Variants in NR3C2 observed in about 807,000 individuals in gnomAD.
NR3C2 encodes the protein nuclear receptor subfamily 3 group C member 2, also known as mineralocorticoid receptor.
In NR3C2, 15 loss-of-function variants were observed where a neutral mutation model predicts 86.4. That is an observed-to-expected ratio of 0.17 (90% CI 0.12 to 0.27). NR3C2 has a LOEUF of 0.27. Ranked by LOEUF, NR3C2 falls within the 10% of genes least tolerant of loss-of-function variation. The pLI is 1.00. For missense variants in NR3C2, 960 were observed against 1,195.6 expected (o/e 0.80, Z 2.91); for synonymous variants, 458 against 450.5 (o/e 1.02, Z -0.21).
chr4:148,361,103 A>T (rs901262320), intron 2 of NR3C2, among the ~76,000 whole-genome samples: 1 of 152,174 alleles, frequency 6.6e-6, no homozygotes, highest in Admixed American at 6.5e-5. Flanking sequence ...CTGATAATGA[A>T]TCTCTGCTAA....
At chr4:148,373,773 C>T (rs549864870) in intron 2 of NR3C2, among the ~76,000 whole-genome samples, 2 of 152,162 alleles carry the variant, frequency 1.3e-5, no homozygotes, top group South Asian at 2.1e-4. Context: ...CCACCGCGCC[C>T]GGCCAGGATG....
chr4:148,139,380 G>A (rs995624717), intron 6 of NR3C2, among the ~76,000 whole-genome samples: 1 of 152,184 alleles, frequency 6.6e-6, no homozygotes, highest in Non-Finnish European at 1.5e-5. Flanking sequence ...GAGTATTGGA[G>A]ATAGTATTTA....
chr4:148,089,612 G>T (rs570578917), intron 8 of NR3C2, among the ~76,000 whole-genome samples: 1 of 152,248 alleles, frequency 6.6e-6, no homozygotes, highest in South Asian at 2.1e-4. Flanking sequence ...GGTGGAACTT[G>T]GTCCTTGGGT....
At chr4:148,341,389 G>A (rs1412089343) in intron 2 of NR3C2, among the ~76,000 whole-genome samples, 1 of 152,142 alleles carries the variant, frequency 6.6e-6, no homozygotes, top group Non-Finnish European at 1.5e-5. Context: ...TCACTCATAT[G>A]TGGGAACTTA....
At chr4:148,387,755 A>T (rs11722067) in intron 2 of NR3C2, among the ~76,000 whole-genome samples, 148,428 of 152,326 alleles carry the variant, frequency 0.97, 72,385 homozygotes, top group Non-Finnish European at 1. Context: ...TGGTAATCCC[A>T]AAGAATTTAA....
At chr4:148,354,833 A>G (rs947083505) in intron 2 of NR3C2, among the ~76,000 whole-genome samples, 2 of 152,192 alleles carry the variant, frequency 1.3e-5, no homozygotes, top group African/African-American at 4.8e-5. Context: ...AATCAAGGAT[A>G]TTTTCATTTT....
At chr4:148,158,844 C>G (rs1007585957) in intron 4 of NR3C2, among the ~76,000 whole-genome samples, 1 of 152,080 alleles carries the variant, frequency 6.6e-6, no homozygotes, top group Non-Finnish European at 1.5e-5. Flanking sequence ...AGCTGATTAT[C>G]GACATCACAT....
intron 2 of NR3C2, among the ~76,000 whole-genome samples, chr4:148,353,148 A>C (rs1745379901): frequency 6.6e-6 from 1 of 152,146 alleles, no homozygotes; most frequent in Admixed American, 6.5e-5. Flanking sequence ...CTCCCAAGAC[A>C]TGATTAATCC....
upstream of NR3C2, chr4:148,442,854 C>G (rs371965863): frequency 4.8e-5 from 47 of 985,402 alleles, no homozygotes; most frequent in East Asian, 1.9e-3. Flanking sequence ...TCCTTCTGAC[C>G]GACCCCAGGA....
upstream of NR3C2, chr4:148,442,760 C>G (rs1176103039): frequency 2.3e-5 from 23 of 985,304 alleles, no homozygotes; most frequent in Non-Finnish European, 2.8e-5. Context: ...GGGTGCCGGG[C>G]GGTGGCTACA....
At chr4:148,172,112 TGTG>T (rs1735156787) in intron 4 of NR3C2, among the ~76,000 whole-genome samples, 1 of 152,182 alleles carries the variant, frequency 6.6e-6, no homozygotes, top group Non-Finnish European at 1.5e-5. Flanking sequence ...TCTTATTCTT[TGTG>T]TTTTTACATT....
chr4:148,187,565 ATTTG>A (rs57564832), intron 4 of NR3C2, among the ~76,000 whole-genome samples: 36,521 of 150,624 alleles, frequency 0.24, 4,466 homozygotes, highest in South Asian at 0.37. Context: ...TTTCTTACTG[ATTTG>A]TTTGAGTTCA....
At chr4:148,391,604 C>T (rs922605939) in intron 2 of NR3C2, among the ~76,000 whole-genome samples, 6 of 152,144 alleles carry the variant, frequency 3.9e-5, no homozygotes, top group Non-Finnish European at 5.9e-5. Flanking sequence ...TGGTGGCTCA[C>T]GCCTGTAATC....
rs138789642 is a variant in NR3C2 at position 148,285,007 on chromosome 4, T to C, written c.1758-24890A>G. Among the ~76,000 whole-genome samples, 253 of 152,312 alleles carry C rather than the reference T, an allele frequency of 1.7e-3. 1 individual carries two copies. The highest frequency in any genetic ancestry group is 5.7e-3 in the African/African-American group (237 of 41,578). On this transcript the variant is annotated intron_variant, in intron 2 of 8. Coordinates refer to ENST00000358102, the MANE Select transcript of NR3C2 (RefSeq NM_000901.5). ...GGGACAGACTTGAATCTAGGTTTGCTGGACTCAGAAGCCAATTCTCTTGGT... is the reference window on the plus strand; with the variant it reads ...GGGACAGACTTGAATCTAGGTTTGCCGGACTCAGAAGCCAATTCTCTTGGT...
At chr4:148,285,338 T>C (rs1741463982) in intron 2 of NR3C2, among the ~76,000 whole-genome samples, 1 of 152,230 alleles carries the variant, frequency 6.6e-6, no homozygotes, top group South Asian at 2.1e-4. Flanking sequence ...GTATAAATTC[T>C]ACTGGCATCA....
intron 2 of NR3C2, among the ~76,000 whole-genome samples, chr4:148,383,251 G>A (rs1157570901): frequency 6.6e-6 from 1 of 152,012 alleles, no homozygotes; most frequent in Admixed American, 6.6e-5. Context: ...TTTCCTTTCT[G>A]AGCTGGAAAA....
upstream of NR3C2, chr4:148,442,564 GC>G: frequency 1.3e-6 from 1 of 795,682 alleles, no homozygotes; most frequent in Non-Finnish European, 1.5e-6. Flanking sequence ...TTGCTATCCC[GC>G]CCCCCTGAAC....
chr4:148,094,727 C>CA (rs1454229647), intron 8 of NR3C2, among the ~76,000 whole-genome samples: 15 of 118,812 alleles, frequency 1.3e-4, no homozygotes, highest in South Asian at 9.7e-4. Flanking sequence ...AAAAAAAAAA[C>CA]AAAAAAAACA....
intron 3 of NR3C2, among the ~76,000 whole-genome samples, chr4:148,203,919 C>T (rs1736866706): frequency 6.6e-6 from 1 of 152,110 alleles, no homozygotes; most frequent in Non-Finnish European, 1.5e-5. Context: ...TTGCCTTTGC[C>T]ACCTTGAAGC....
Sources: gnomAD v4.1 joint callset for allele counts (sites outside exome capture counted in the v4.1 genomes callset) on GRCh38, gnomAD v4.1.1 for gene constraint, MANE v1.5 for transcripts, NCBI Gene and HGNC (gene_info 2026-07-23, HGNC 2026-07-21) for gene names.